FAM3B: variants seen among roughly 807,000 people sequenced by gnomAD.
FAM3B encodes FAM3 metabolism regulating signaling molecule B, also known as protein FAM3B.
Under a neutral mutation model 28.4 loss-of-function variants are expected in FAM3B, and 29 were observed. That is an observed-to-expected ratio of 1.02 (90% CI 0.76 to 1.39). FAM3B has a LOEUF of 1.39. Among genes scored for constraint, FAM3B ranks in the 40% most tolerant of loss-of-function variants. FAM3B has a pLI of 0.00. For synonymous variants in FAM3B, 91 were observed against 103.0 expected, an observed-to-expected ratio of 0.88 and a Z score of 0.71; for missense variants, 266 against 293.9, an observed-to-expected ratio of 0.91 and a Z score of 0.69.
intron 1 of FAM3B, among the ~76,000 whole-genome samples, chr21:41,322,348 G>T (rs1347599567): frequency 2.6e-5 from 4 of 152,292 alleles, no homozygotes; most frequent in African/African-American, 7.2e-5. Context: ...GGCCCAGCAG[G>T]CACATCCGGG....
chr21:41,336,943 G>C (rs552739204), intron 2 of FAM3B, among the ~76,000 whole-genome samples: 1 of 151,896 alleles, frequency 6.6e-6, no homozygotes, highest in South Asian at 2.1e-4. Context: ...CCATCCTTTC[G>C]CTTTCAACCT....
Position 41,347,002 on chromosome 21 carries a change from TC to T in FAM3B, c.398-6del. On this transcript the variant is annotated splice_polypyrimidine_tract_variant and intron_variant, in intron 5 of 7. Coordinates refer to ENST00000357985, the MANE Select transcript of FAM3B (RefSeq NM_058186.4). ...GCAAAGACCCTAAAACTGACTTGCATCCCCCAATAGATAACTCTGGACCGAT... is the reference window on the plus strand; with the variant it reads ...GCAAAGACCCTAAAACTGACTTGCATCCCCAATAGATAACTCTGGACCGAT... 1 of 1,613,626 alleles carries T rather than the reference TC, an allele frequency of 6.2e-7. No homozygotes were observed. The highest frequency in any genetic ancestry group is 8.5e-7 in the Non-Finnish European group (1 of 1,179,662).
At chr21:41,324,585 C>T (rs562393304) in intron 2 of FAM3B, among the ~76,000 whole-genome samples, 5 of 152,282 alleles carry the variant, frequency 3.3e-5, no homozygotes, top group South Asian at 4.2e-4. Flanking sequence ...ACTGAATTAT[C>T]GCCGAAGGAA....
upstream of FAM3B, among the ~76,000 whole-genome samples, chr21:41,316,326 C>G (rs1349649938): frequency 5.9e-5 from 9 of 152,298 alleles, 1 homozygote; most frequent in Admixed American, 5.9e-4. Flanking sequence ...AGAGGTGGGG[C>G]GCCTGCTAGG....
At chr21:41,356,513 T>C (rs1249038895) in intron 7 of FAM3B, among the ~76,000 whole-genome samples, 1 of 152,216 alleles carries the variant, frequency 6.6e-6, no homozygotes, top group Non-Finnish European at 1.5e-5. Flanking sequence ...GTATAGTTTC[T>C]ACTGAATGCA....
intron 2 of FAM3B, among the ~76,000 whole-genome samples, chr21:41,332,722 C>G (rs1045398578): frequency 3.3e-5 from 5 of 152,018 alleles, no homozygotes; most frequent in African/African-American, 1.2e-4. Context: ...TTCCTTTTTT[C>G]GGTGTATAAT....
intron 2 of FAM3B, among the ~76,000 whole-genome samples, chr21:41,323,787 C>T (rs1463735578): frequency 2.6e-5 from 4 of 152,190 alleles, no homozygotes; most frequent in Admixed American, 1.3e-4. Context: ...AATTGAGAAG[C>T]ATCTCAGTGA....
rs772819512 is a variant in FAM3B at position 41,323,005 on chromosome 21, T to A, written c.102T>A (p.Asp34Glu). The A allele has an allele frequency of 4.3e-6, 7 of 1,610,876 alleles. No homozygotes were observed. The highest frequency in any genetic ancestry group is 5.9e-6 in the Non-Finnish European group (7 of 1,180,004). ...SGYLLAELIP[D>E]APLSSAAYSI... ...ACCTGCTCGCAGAGCTCATTCCAGA[T>A]GCACCCCTGTCCAGTGCTGCCTATA... is the stretch of plus-strand genomic sequence containing the variant. Residue 34 changes from aspartate (D) to glutamate (E), a missense_variant, in exon 2 of 8, where the codon GAT (aspartate) becomes GAA (glutamate). Transcript: ENST00000357985.
intron 2 of FAM3B, among the ~76,000 whole-genome samples, chr21:41,330,400 G>A (rs1171897678): frequency 6.6e-6 from 1 of 152,166 alleles, no homozygotes; most frequent in African/African-American, 2.4e-5. Context: ...TATATATAGG[G>A]TTCTGTACTA....
At chr21:41,332,420 G>A (rs1246923647) in intron 2 of FAM3B, among the ~76,000 whole-genome samples, 1 of 152,180 alleles carries the variant, frequency 6.6e-6, no homozygotes, top group African/African-American at 2.4e-5. Flanking sequence ...CAGTTTGCTA[G>A]TATTAATATT....
At chr21:41,319,133 AC>A (rs1443061102) in intron 1 of FAM3B, among the ~76,000 whole-genome samples, 1 of 151,748 alleles carries the variant, frequency 6.6e-6, no homozygotes, top group East Asian at 1.9e-4. Context: ...CTCAAGTTGA[AC>A]TCCCGGGTTC....
Position 41,322,947 on chromosome 21 carries a change from T to G in FAM3B, c.44T>G (p.Val15Gly), listed in dbSNP as rs773162923. The G allele has an allele frequency of 6.8e-6, 11 of 1,613,804 alleles. No individual in the cohort carries two copies. Among genetic ancestry groups the G allele is most frequent in the Non-Finnish European group, 9.3e-6 (11 of 1,180,034 alleles). The stretch of plus-strand genomic sequence containing the variant: ...GGCCTGCTCAAGGTGGTGTTCGTGG[T>G]CTTCGCCTCCTTGTGTGCCTGGTAT... ...AGGLLKVVFV[V>G]FASLCAWYSG... is the part of the protein sequence containing the mutation. The change falls in exon 2 of 8, where the codon GTC (valine) becomes GGC (glycine). Residue 15 changes from valine to glycine, a missense_variant. Val to Gly is a moderately radical substitution (Grantham distance 109). Transcript: ENST00000357985.
intron 2 of FAM3B, among the ~76,000 whole-genome samples, chr21:41,333,198 G>A (rs769890381): frequency 1.6e-4 from 24 of 150,000 alleles, no homozygotes; most frequent in Non-Finnish European, 2.4e-4. Flanking sequence ...TCCATTAGCC[G>A]TTCAGAAGCC....
At chr21:41,315,597 G>A (rs992623970), upstream of FAM3B, among the ~76,000 whole-genome samples, 3 of 152,112 alleles carry the variant, frequency 2.0e-5, no homozygotes, top group Admixed American at 1.3e-4. Flanking sequence ...CAGCAGGTCC[G>A]AGTGGCATCC....
intron 7 of FAM3B, among the ~76,000 whole-genome samples, chr21:41,349,448 G>C (rs534642359): frequency 6.6e-6 from 1 of 152,132 alleles, no homozygotes; most frequent in Non-Finnish European, 1.5e-5. Flanking sequence ...ACCAAGGCGC[G>C]AGACTTCCCC....
intron 1 of FAM3B, 81 bp downstream of exon 1, chr21:41,316,979 TG>T: frequency 8.5e-7 from 1 of 1,181,632 alleles, no homozygotes; most frequent in Non-Finnish European, 1.1e-6. Context: ...CAACCCTGCC[TG>T]GGACCCGCCA....
intron 1 of FAM3B, chr21:41,321,035 A>T (rs1336633343): frequency 6.6e-6 from 1 of 152,124 alleles, no homozygotes; most frequent in Non-Finnish European, 1.5e-5. Context: ...GTTGCTCAGG[A>T]TCTCAGGTGT....
At chr21:41,321,286 G>A (rs1480588353) in intron 1 of FAM3B, among the ~76,000 whole-genome samples, 1 of 152,234 alleles carries the variant, frequency 6.6e-6, no homozygotes, top group Non-Finnish European at 1.5e-5. Context: ...GGCCCTGGAG[G>A]GAAGCATCTG....
At position 41,346,902 on chromosome 21, in the gene FAM3B, C is replaced by T; in HGVS notation, c.398-111C>T. 6 of 952,490 alleles carry T rather than the reference C, an allele frequency of 6.3e-6. No individual in the cohort carries two copies. The South Asian group carries it at 8.0e-5, about 13-fold the overall frequency. The allele number at this position is 952,490 out of a possible 1,614,324, so 59.0% of individuals were successfully genotyped here. On this transcript the variant is annotated intron_variant, in intron 5 of 7. Coordinates refer to ENST00000357985, the MANE Select transcript of FAM3B (RefSeq NM_058186.4). ...GGGTTGAGCAGCGAGCGCTGGGACCCCCAAGGATTCAGAATGGACACAGAA... is the reference window on the plus strand; with the variant it reads ...GGGTTGAGCAGCGAGCGCTGGGACCTCCAAGGATTCAGAATGGACACAGAA...
Sources: gnomAD v4.1 joint callset for allele counts (sites outside exome capture counted in the v4.1 genomes callset) on GRCh38, gnomAD v4.1.1 for gene constraint, MANE v1.5 for transcripts, NCBI Gene and HGNC (gene_info 2026-07-23, HGNC 2026-07-21) for gene names.